Variants in PUDP observed in about 807,000 individuals in gnomAD.
PUDP encodes the protein pseudouridine 5'-phosphatase, also known as pseudouridine-5'-phosphatase.
Under a neutral mutation model 9.4 loss-of-function variants are expected in PUDP, and 8 were observed. That is an observed-to-expected ratio of 0.85 (90% confidence interval 0.50 to 1.53). PUDP has a LOEUF of 1.53. Ranked by LOEUF, PUDP falls within the 40% of genes most tolerant of loss-of-function variation. PUDP has a pLI of 0.00. For synonymous variants in PUDP, 99 were observed against 80.7 expected (o/e 1.23, Z -1.22); for missense variants, 188 against 189.7 (o/e 0.99, Z 0.05).
intron 3 of PUDP, among the ~76,000 whole-genome samples, chrX:6,892,482 A>G (rs979912667): frequency 1.8e-5 from 2 of 111,091 alleles, no homozygotes; most frequent in Non-Finnish European, 3.8e-5. Context: ...TTGTGCAGGG[A>G]AACTCCCCTT....
intron 3 of PUDP, among the ~76,000 whole-genome samples, chrX:6,752,195 T>C (rs1231638540): frequency 8.9e-6 from 1 of 111,924 alleles, no homozygotes; most frequent in African/African-American, 3.2e-5. Context: ...GACAGCACTT[T>C]CTTCCTGGTT....
intron 3 of PUDP, among the ~76,000 whole-genome samples, chrX:6,910,725 C>T (rs900688737): frequency 1.8e-5 from 2 of 112,098 alleles, no homozygotes; most frequent in African/African-American, 6.5e-5. Context: ...TTTAACCAGG[C>T]GTTGCTTGGG....
chrX:7,094,801 A>G (rs1307538625), intron 2 of PUDP, among the ~76,000 whole-genome samples: 1 of 112,284 alleles, frequency 8.9e-6, no homozygotes, highest in East Asian at 2.8e-4. Context: ...CGGAAAAGGA[A>G]CACAGCGTAA....
chrX:6,717,288 G>T lies in PUDP; in HGVS notation n.128+4129C>A, dbSNP rs768014000. On this transcript the variant is annotated intron_variant and non_coding_transcript_variant, in intron 1 of 2. Transcript: ENST00000438499. ...AATGATACCCTTGGGTTGCTGGAGCGATTGCCCCTTTATGCACAGAGAGCT... is the reference window on the plus strand; with the variant it reads ...AATGATACCCTTGGGTTGCTGGAGCTATTGCCCCTTTATGCACAGAGAGCT... Among the ~76,000 whole-genome samples, 20 of 111,239 alleles carry T rather than the reference G, an allele frequency of 1.8e-4. 1 individual carries two copies. The East Asian group carries it at 4.0e-3, about 22-fold the overall frequency.
intron 3 of PUDP, among the ~76,000 whole-genome samples, chrX:6,750,881 T>C: frequency 9.0e-6 from 1 of 111,458 alleles, no homozygotes; most frequent in Admixed American, 9.5e-5. Flanking sequence ...GGCTCACACC[T>C]CCAATCCCAG....
chrX:7,109,488 G>A (rs1454923381), intron 1 of PUDP, among the ~76,000 whole-genome samples: 1 of 112,087 alleles, frequency 8.9e-6, no homozygotes, highest in African/African-American at 3.2e-5. Context: ...TGTGGACAAA[G>A]GCAGGAAAAC....
chrX:6,890,435 G>C (rs1927495490), intron 3 of PUDP, among the ~76,000 whole-genome samples: 1 of 111,828 alleles, frequency 8.9e-6, no homozygotes, highest in African/African-American at 3.2e-5. Flanking sequence ...GAGGTCATTT[G>C]CTGGCAAACG....
At chrX:6,907,316 G>A (rs1269616283) in intron 3 of PUDP, among the ~76,000 whole-genome samples, 27 of 111,451 alleles carry the variant, frequency 2.4e-4, no homozygotes, top group Non-Finnish European at 1.3e-4. Context: ...CAGCCCTGTG[G>A]AAATGTGAGT....
chrX:6,749,292 T>C (rs996469836), intron 3 of PUDP, among the ~76,000 whole-genome samples: 4 of 111,786 alleles, frequency 3.6e-5, no homozygotes, highest in Non-Finnish European at 7.5e-5. Flanking sequence ...CACCAGTTAA[T>C]TTTGGTGCTC....
chrX:6,717,334 A>T (rs1382074132), intron 1 of PUDP, among the ~76,000 whole-genome samples: 1 of 111,114 alleles, frequency 9.0e-6, no homozygotes, highest in African/African-American at 3.3e-5. Context: ...GGGATTTTGT[A>T]TCTCCCTTTC....
intron 3 of PUDP, among the ~76,000 whole-genome samples, chrX:6,900,758 A>C (rs1375405509): frequency 9.3e-6 from 1 of 107,312 alleles, no homozygotes; most frequent in Non-Finnish European, 1.9e-5. Context: ...CCAGATGACC[A>C]ATTTTTTTTG....
chrX:7,061,099 C>A (rs760202184), intron 3 of PUDP, among the ~76,000 whole-genome samples: 21 of 111,649 alleles, frequency 1.9e-4, no homozygotes, highest in Non-Finnish European at 1.1e-4. Context: ...ACTGACCTGG[C>A]TGTGGGGGCT....
intron 3 of PUDP, among the ~76,000 whole-genome samples, chrX:6,857,376 G>A (rs1249763593): frequency 1.8e-5 from 2 of 112,695 alleles, no homozygotes; most frequent in Non-Finnish European, 3.8e-5. Flanking sequence ...AGAAAACCGT[G>A]GAAATTGAGA....
intron 3 of PUDP, among the ~76,000 whole-genome samples, chrX:6,938,573 T>C (rs189175022): frequency 0.028 from 2,718 of 98,269 alleles, 118 homozygotes; most frequent in African/African-American, 0.097. Flanking sequence ...GCATGGCACA[T>C]GTATACATAT....
chrX:6,728,089 A>T (rs998297088), intron 3 of PUDP, among the ~76,000 whole-genome samples: 6 of 111,598 alleles, frequency 5.4e-5, no homozygotes, highest in Non-Finnish European at 9.4e-5. Context: ...CAATCATGGC[A>T]GAAGGCAAAA....
intron 3 of PUDP, among the ~76,000 whole-genome samples, chrX:6,836,469 A>G (rs1926584142): frequency 8.9e-6 from 1 of 112,251 alleles, no homozygotes; most frequent in Non-Finnish European, 1.9e-5. Context: ...GGTTCCTTGC[A>G]TTCGTTGCCT....
Position 7,050,722 on chromosome X carries a change from C to T in PUDP, c.511-250G>A, listed in dbSNP as rs886923410. 9.8e-5 allele frequency among the ~76,000 whole-genome samples: 11 copies of T among 111,932 alleles called. No individual in the cohort carries two copies. In the South Asian group the frequency reaches 1.5e-3, roughly 15 times the overall value. On this transcript the variant is annotated intron_variant, in intron 3 of 3. Transcript: ENST00000381077. ...CAGCCAAAGCATTGTTGAAATGGAG[C>T]GCAGCTGTGTGGTGAGGCAAGATTC...
chrX:6,844,710 T>A (rs1158899452), intron 3 of PUDP, among the ~76,000 whole-genome samples: 2 of 112,427 alleles, frequency 1.8e-5, no homozygotes, highest in Admixed American at 1.9e-4. Flanking sequence ...AATTGGCTCA[T>A]ACAATTATGA....
chrX:6,728,804 G>C (rs753344846), intron 3 of PUDP, among the ~76,000 whole-genome samples: 2 of 111,529 alleles, frequency 1.8e-5, no homozygotes, highest in Non-Finnish European at 3.8e-5. Context: ...CAATGTCCTT[G>C]GATTTTCCCT....
Sources: allele counts gnomAD v4.1 joint callset (sites outside exome capture counted in the v4.1 genomes callset), GRCh38; gene constraint gnomAD v4.1.1; transcripts MANE v1.5; gene names NCBI Gene and HGNC (gene_info 2026-07-23, HGNC 2026-07-21).